The following DYNC2I2 variants were observed in gnomAD, a reference collection of about 807,000 sequenced individuals.
DYNC2I2 encodes cytoplasmic dynein 2 intermediate chain 2.
Under a neutral mutation model 52.0 loss-of-function variants are expected in DYNC2I2, and 39 were observed. That is an observed-to-expected ratio of 0.75 (90% CI 0.58 to 0.98). DYNC2I2 has a LOEUF of 0.98. Ranked by LOEUF, DYNC2I2 falls within the 50% of genes least tolerant of loss-of-function variation. The pLI is 0.00. For missense variants in DYNC2I2, 743 were observed against 728.4 expected (o/e 1.02, Z -0.23); for synonymous variants, 359 against 321.1 (o/e 1.12, Z -1.26).
the DYNC2I2 span, among the ~76,000 whole-genome samples, chr9:128,665,023 T>C: frequency 6.6e-6 from 1 of 151,436 alleles, no homozygotes; most frequent in East Asian, 1.9e-4. Context: ...TTGGGTAAAA[T>C]TATAACTGTG....
chr9:128,677,870 C>T, the DYNC2I2 span, among the ~76,000 whole-genome samples: 6,538 of 152,126 alleles, frequency 0.043, 183 homozygotes, highest in Non-Finnish European at 0.065. Flanking sequence ...CTATCCTTGT[C>T]CTCTCACCTC....
chr9:128,653,407 G>A (rs892302542), intron 1 of DYNC2I2, among the ~76,000 whole-genome samples: 14 of 149,878 alleles, frequency 9.3e-5, no homozygotes, highest in Admixed American at 7.9e-4. Context: ...GCGAAACCCC[G>A]TCACTACTAA....
At chr9:128,652,782 G>A (rs560699578) in intron 1 of DYNC2I2, among the ~76,000 whole-genome samples, 2 of 150,576 alleles carry the variant, frequency 1.3e-5, no homozygotes, top group East Asian at 3.9e-4. Flanking sequence ...AGCCAGGCAT[G>A]GTGGCACATG....
the DYNC2I2 span, among the ~76,000 whole-genome samples, chr9:128,671,240 A>T: frequency 6.7e-6 from 1 of 149,640 alleles, no homozygotes; most frequent in Non-Finnish European, 1.5e-5. Context: ...TCAAGACTAC[A>T]GGGAGCTGTG....
chr9:128,660,973 G>A (rs953982829), upstream of DYNC2I2, among the ~76,000 whole-genome samples: 5 of 148,920 alleles, frequency 3.4e-5, no homozygotes, highest in Admixed American at 1.3e-4. Context: ...CAGGATCTGC[G>A]CACCTCAGCC....
chr9:128,642,688 G>C (rs577789058), intron 1 of DYNC2I2, among the ~76,000 whole-genome samples: 1 of 152,104 alleles, frequency 6.6e-6, no homozygotes, highest in African/African-American at 2.4e-5. Context: ...CTGGGAGGCA[G>C]AGCTTACAGT....
chr9:128,664,370 A>G, the DYNC2I2 span, among the ~76,000 whole-genome samples: 8 of 152,248 alleles, frequency 5.3e-5, no homozygotes, highest in Non-Finnish European at 1.0e-4. Context: ...TGTTCAAAGC[A>G]CTGATTACAA....
the DYNC2I2 span, among the ~76,000 whole-genome samples, chr9:128,677,048 C>T: frequency 6.6e-6 from 1 of 151,476 alleles, no homozygotes; most frequent in Non-Finnish European, 1.5e-5. Context: ...TGGGGTTTCA[C>T]CGTGTTTGCC....
chr9:128,666,146 C>T, the DYNC2I2 span, among the ~76,000 whole-genome samples: 3 of 151,710 alleles, frequency 2.0e-5, no homozygotes, highest in East Asian at 1.9e-4. Flanking sequence ...GAGCCTAAGG[C>T]GGGCAGATCA....
intron 1 of DYNC2I2, among the ~76,000 whole-genome samples, chr9:128,654,181 C>T (rs12344668): frequency 0.12 from 18,102 of 152,114 alleles, 1,843 homozygotes; most frequent in African/African-American, 0.26. Flanking sequence ...CACAGCAAAG[C>T]GGGAAGTGCG....
chr9:128,633,972 C>T lies in DYNC2I2; in HGVS notation c.1383G>A (p.Gln461=), dbSNP rs1860268065. 1 of 1,612,906 alleles carries T rather than the reference C, an allele frequency of 6.2e-7. No individual in the cohort carries two copies. Among genetic ancestry groups the T allele is most frequent in the South Asian group, 1.1e-5 (1 of 91,088 alleles). ...FAAASGKGDV[Q]LFDLQKSSQK... is the part of the protein sequence containing the mutation. ...GGGAGCTTTTCTGGAGATCAAACAG[C>T]TGCACGTCACCTGCAAAGAGAGACA... Residue 461 remains glutamine, a synonymous_variant, in exon 9 of 9, where the codon CAG becomes CAA. Transcript: ENST00000372715.
At chr9:128,677,373 T>C in the DYNC2I2 span, among the ~76,000 whole-genome samples, 1 of 152,084 alleles carries the variant, frequency 6.6e-6, no homozygotes, top group Non-Finnish European at 1.5e-5. Context: ...TATTCCCAGC[T>C]ACTTGGGAGG....
chr9:128,672,937 T>C, the DYNC2I2 span, among the ~76,000 whole-genome samples: 5 of 152,008 alleles, frequency 3.3e-5, no homozygotes, highest in Admixed American at 2.6e-4. Flanking sequence ...GGCAGGAGAA[T>C]GGTGTGAACC....
chr9:128,669,396 A>T, the DYNC2I2 span, among the ~76,000 whole-genome samples: 1,514 of 151,380 alleles, frequency 0.01, 16 homozygotes, highest in African/African-American at 0.035. Flanking sequence ...AAAAATTTTT[A>T]AAATTAAAAT....
chr9:128,640,116 T>C (rs938714788), intron 2 of DYNC2I2, among the ~76,000 whole-genome samples: 9 of 150,962 alleles, frequency 6.0e-5, no homozygotes, highest in African/African-American at 2.2e-4. Context: ...CACGCCATTC[T>C]CCTGCCTCAG....
In DYNC2I2 at chr9:128,640,920, C is replaced by T; in HGVS notation, c.206G>A (p.Ser69Asn). The change falls in exon 2 of 9, where the codon AGC becomes AAC. Residue 69 changes from serine to asparagine, a missense_variant. Ser to Asn is a conservative substitution (Grantham distance 46). Transcript: ENST00000372715. ...RWETKSCQTA[S>N]IATASASAQA... ...GGCGGATGCACTGGCAGTGGCAATG[C>T]TGGCCGTCTGGCAACTTTTCTGGGG... 6.3e-7 allele frequency: 1 copy of T among 1,592,864 alleles called. No homozygotes were observed. The highest frequency in any genetic ancestry group is 8.6e-7 in the Non-Finnish European group (1 of 1,167,062).
chr9:128,649,800 C>A (rs1191273401), intron 1 of DYNC2I2, among the ~76,000 whole-genome samples: 1 of 79,736 alleles, frequency 1.3e-5, no homozygotes, highest in African/African-American at 3.3e-5. Context: ...CAAGACCAGC[C>A]TAACCAACAT....
the DYNC2I2 span, among the ~76,000 whole-genome samples, chr9:128,661,869 C>G: frequency 6.6e-6 from 1 of 151,912 alleles, no homozygotes; most frequent in Non-Finnish European, 1.5e-5. Context: ...TGGTGAAACC[C>G]CGTCTCTACT....
chr9:128,638,556 C>T (rs553722899), intron 2 of DYNC2I2, among the ~76,000 whole-genome samples: 1 of 151,988 alleles, frequency 6.6e-6, no homozygotes, highest in African/African-American at 2.4e-5. Flanking sequence ...AAAAAAGAAA[C>T]TATCCACTGG....
Sources: allele counts gnomAD v4.1 joint callset (sites outside exome capture counted in the v4.1 genomes callset), GRCh38; gene constraint gnomAD v4.1.1; transcripts MANE v1.5; gene names NCBI Gene and HGNC (gene_info 2026-07-23, HGNC 2026-07-21).